The following USH2A variants were observed in gnomAD, a reference collection of about 807,000 sequenced individuals.
USH2A encodes the protein usherin.
In USH2A, 443 loss-of-function variants were observed where a neutral mutation model predicts 538.9. That is an observed-to-expected ratio of 0.82 (90% CI 0.76 to 0.89). The LOEUF (loss-of-function observed/expected upper bound fraction) is 0.89, where lower values mean the gene tolerates loss of function less well. Among genes scored for constraint, USH2A ranks in the 40% least tolerant of loss-of-function variants. The probability of loss-of-function intolerance (pLI) is 0.00; values close to 1 mark genes in which losing one functional copy is unlikely to be tolerated. For missense variants in USH2A, 6,633 were observed against 6,324.8 expected (o/e 1.05, Z -1.65); for synonymous variants, 2,413 against 2,273.5 (o/e 1.06, Z -1.75).
At chr1:215,995,711 G>A (rs1484631186) in intron 34 of USH2A, among the ~76,000 whole-genome samples, 2 of 152,158 alleles carry the variant, frequency 1.3e-5, no homozygotes, top group East Asian at 1.9e-4. Flanking sequence ...ATTAAAATAA[G>A]TTGTTTTAAC....
rs139073853 is a variant in USH2A at position 216,025,231 on chromosome 1, C to T, written c.6325+21200G>A. Among the ~76,000 whole-genome samples, 17 of 151,710 alleles carry T rather than the reference C, an allele frequency of 1.1e-4. No homozygotes were observed. The East Asian group carries it at 3.3e-3, about 29-fold the overall frequency. ...AATATAAATTCAGAGTATTGATGGG[C>T]TTCTATGCCCATCAAACAGAGAAAA... On this transcript the variant is annotated intron_variant, in intron 32 of 71. Coordinates refer to ENST00000307340, the MANE Select transcript of USH2A (RefSeq NM_206933.4).
At chr1:215,631,129 G>A (rs567128837) in intron 70 of USH2A, among the ~76,000 whole-genome samples, 2 of 152,194 alleles carry the variant, frequency 1.3e-5, no homozygotes, top group South Asian at 4.1e-4. Flanking sequence ...GCCAGTTTGG[G>A]TCTGATGTTC....
At chr1:216,201,373 A>G (rs1456722005) in intron 16 of USH2A, among the ~76,000 whole-genome samples, 5 of 150,984 alleles carry the variant, frequency 3.3e-5, no homozygotes, top group Admixed American at 2.6e-4. Context: ...CAGTGGCACA[A>G]TCTCGGCTCA....
chr1:216,089,006 T>C lies in USH2A; in HGVS notation c.4885+7A>G, dbSNP rs756161381. 6.2e-7 allele frequency: 1 copy of C among 1,613,226 alleles called. No individual in the cohort carries two copies. Among genetic ancestry groups the C allele is most frequent in the African/African-American group, 1.3e-5 (1 of 74,984 alleles). ...AGGGCTATTTATACATATCAAAAAG[T>C]ACTTACCTGTATATATCCCATCCAG... is the stretch of plus-strand genomic sequence containing the variant. On this transcript the variant is annotated splice_region_variant and intron_variant, in intron 23 of 71. Coordinates refer to ENST00000307340, the MANE Select transcript of USH2A (RefSeq NM_206933.4).
chr1:215,770,235 C>T (rs1410014653), intron 55 of USH2A, among the ~76,000 whole-genome samples: 2 of 152,128 alleles, frequency 1.3e-5, no homozygotes, highest in Admixed American at 1.3e-4. Context: ...CTATGTTCTC[C>T]ATCACATAAG....
chr1:215,632,961 C>T (rs1451636455), intron 70 of USH2A, among the ~76,000 whole-genome samples: 1 of 152,122 alleles, frequency 6.6e-6, no homozygotes. Context: ...AGGCACCGTT[C>T]TGGGTCCCGG....
chr1:216,345,402 G>C (rs2038155494), intron 4 of USH2A, among the ~76,000 whole-genome samples: 1 of 152,116 alleles, frequency 6.6e-6, no homozygotes, highest in African/African-American at 2.4e-5. Flanking sequence ...TTGTGTTGCA[G>C]CTTGGCCCCC....
chr1:215,675,693 C>G, intron 62 of USH2A, 77 bp from the exon 63 acceptor site: 4 of 1,608,416 alleles, frequency 2.5e-6, no homozygotes, highest in Non-Finnish European at 3.4e-6. Flanking sequence ...CCTTTTTAAC[C>G]TTCACCCCCT....
chr1:216,126,392 T>A (rs1345367327), intron 21 of USH2A, among the ~76,000 whole-genome samples: 1 of 152,036 alleles, frequency 6.6e-6, no homozygotes, highest in Non-Finnish European at 1.5e-5. Context: ...CCTGGCTAAT[T>A]TTTTGTATTT....
intron 32 of USH2A, among the ~76,000 whole-genome samples, chr1:216,022,604 G>A (rs958758241): frequency 2.6e-5 from 4 of 152,056 alleles, no homozygotes; most frequent in Non-Finnish European, 5.9e-5. Context: ...ATTCTTTTAG[G>A]ACTCACTTAA....
chr1:215,879,306 T>C (rs1664851660), intron 41 of USH2A, among the ~76,000 whole-genome samples: 1 of 152,202 alleles, frequency 6.6e-6, no homozygotes, highest in Non-Finnish European at 1.5e-5. Flanking sequence ...GTTTCCTGGG[T>C]TTGGCTTTCA....
intron 60 of USH2A, among the ~76,000 whole-genome samples, chr1:215,732,363 T>C (rs538543552): frequency 2.6e-5 from 4 of 152,248 alleles, no homozygotes; most frequent in African/African-American, 9.6e-5. Flanking sequence ...CTTAATCTGC[T>C]GATTCTCAAA....
chr1:216,058,135 G>GAACTATGAGGTAGAAGTTGTGA (rs1213418559), intron 30 of USH2A, among the ~76,000 whole-genome samples: 1 of 150,534 alleles, frequency 6.6e-6, no homozygotes, highest in Admixed American at 6.6e-5. Flanking sequence ...TAGAAGCCTT[G>GAACTATGAGGTAGAAGTTGTGA]TCCATAAGGA....
chr1:216,045,188 C>T (rs961847194), intron 32 of USH2A, among the ~76,000 whole-genome samples: 1 of 152,108 alleles, frequency 6.6e-6, no homozygotes, highest in Admixed American at 6.6e-5. Context: ...GTTAATATCT[C>T]TAGGCCTTGG....
At chr1:216,115,715 G>T (rs148911504) in intron 21 of USH2A, among the ~76,000 whole-genome samples, 1 of 151,522 alleles carries the variant, frequency 6.6e-6, no homozygotes, top group African/African-American at 2.4e-5. Flanking sequence ...CAAAATAGAT[G>T]AAATACATTT....
At chr1:215,784,688 A>G (rs968786835) in intron 52 of USH2A, among the ~76,000 whole-genome samples, 1 of 152,210 alleles carries the variant, frequency 6.6e-6, no homozygotes, top group Non-Finnish European at 1.5e-5. Flanking sequence ...ATTGTTCTCA[A>G]TGGAATTATC....
chr1:215,733,217 G>A (rs187743083), intron 60 of USH2A, among the ~76,000 whole-genome samples: 177 of 146,006 alleles, frequency 1.2e-3, no homozygotes, highest in African/African-American at 4.3e-3. Context: ...GGGGGCGGGT[G>A]GAGTCCTAGA....
chr1:216,291,812 A>C (rs1232276956), intron 10 of USH2A, among the ~76,000 whole-genome samples: 2 of 152,238 alleles, frequency 1.3e-5, no homozygotes, highest in East Asian at 3.9e-4. Context: ...AAAGGACAAT[A>C]AAGGGGACAA....
At chr1:215,950,030 A>G (rs1666874752) in intron 37 of USH2A, among the ~76,000 whole-genome samples, 2 of 152,186 alleles carry the variant, frequency 1.3e-5, no homozygotes, top group African/African-American at 4.8e-5. Context: ...GCATATAACT[A>G]CAGACAGATG....
Sources: allele counts gnomAD v4.1 joint callset (sites outside exome capture counted in the v4.1 genomes callset), GRCh38; gene constraint gnomAD v4.1.1; transcripts MANE v1.5; gene names NCBI Gene and HGNC (gene_info 2026-07-23, HGNC 2026-07-21).